LTBP2: variants seen among roughly 807,000 people sequenced by gnomAD.
LTBP2 encodes latent-transforming growth factor beta-binding protein 2.
Under a neutral mutation model 210.6 loss-of-function variants are expected in LTBP2, and 103 were observed. The observed-to-expected ratio is 0.49, with a 90% CI of 0.42 to 0.58. The LOEUF is 0.58. LTBP2 is among the 20% of genes least tolerant of loss of function. LTBP2 has a pLI of 0.00. For synonymous variants in LTBP2, 1,007 were observed against 1,015.0 expected, an observed-to-expected ratio of 0.99 and a Z score of 0.15; for missense variants, 2,313 against 2,494.5, an observed-to-expected ratio of 0.93 and a Z score of 1.55.
intron 15 of LTBP2, among the ~76,000 whole-genome samples, chr14:74,523,412 C>T (rs1175092740): frequency 1.3e-5 from 2 of 151,936 alleles, no homozygotes; most frequent in East Asian, 3.9e-4. Flanking sequence ...TGGCCTGTAA[C>T]AAGGATTTTG....
At chr14:74,532,314 A>G (rs768352815) in intron 10 of LTBP2, 112 bp downstream of exon 10, 6 of 1,455,156 alleles carry the variant, frequency 4.1e-6, no homozygotes, top group Non-Finnish European at 5.7e-6. Context: ...GGCCCTGAGC[A>G]TGGCGTGATC....
intron 4 of LTBP2, among the ~76,000 whole-genome samples, chr14:74,553,892 G>C (rs1487862552): frequency 6.6e-6 from 1 of 151,440 alleles, no homozygotes; most frequent in African/African-American, 2.4e-5. Context: ...GCTTGACTGT[G>C]AAGGGAGGAG....
At chr14:74,509,112 C>G (rs968448166) in intron 22 of LTBP2, 126 bp downstream of exon 22, 2 of 1,574,194 alleles carry the variant, frequency 1.3e-6, no homozygotes, top group Non-Finnish European at 8.7e-7. Context: ...AGCTTGTGAG[C>G]GACTCTTGGG....
In LTBP2 at chr14:74,611,696, C is replaced by T. The variant is rs779279335; in HGVS notation, c.249G>A (p.Gln83=). 2.5e-6 allele frequency: 4 copies of T among 1,584,170 alleles called. No homozygotes were observed. In the South Asian group the frequency reaches 3.4e-5, roughly 13 times the overall value. ...AGCCCGGCTGGGCCCGCTCCACGGG[C>T]TGCAAGCCCGCGACAGGCGCGTCCT... ...REQDAPVAGL[Q]PVERAQPGWG... The change falls in exon 1 of 36, where the codon CAG becomes CAA. Residue 83 remains glutamine, a synonymous_variant. Coordinates refer to ENST00000261978, the MANE Select transcript of LTBP2 (RefSeq NM_000428.3).
chr14:74,534,647 C>G (rs1358746324), intron 9 of LTBP2, among the ~76,000 whole-genome samples: 1 of 152,148 alleles, frequency 6.6e-6, no homozygotes, highest in Non-Finnish European at 1.5e-5. Flanking sequence ...GCACTTGGGG[C>G]AGGACTGTCT....
rs1025012291 is a variant in LTBP2 at position 74,577,514 on chromosome 14, T to C, written c.830+8340A>G. On this transcript the variant is annotated intron_variant, in intron 3 of 35. Transcript: ENST00000261978. ...CCTAGACCATTATCTCTTTTTTTTT[T>C]TTTTTTTTTCTTGAAACAGAGTCTC... 6.6e-5 allele frequency among the ~76,000 whole-genome samples: 10 copies of C among 151,616 alleles called. 1 individual carries two copies. The highest frequency in any genetic ancestry group is 1.2e-4 in the Non-Finnish European group (8 of 67,868).
chr14:74,499,226 T>G lies in LTBP2; in HGVS notation c.*1658A>C, dbSNP rs2086884535. The G allele has an allele frequency of 4.6e-6, 1 of 215,424 alleles. No individual in the cohort carries two copies. 13.3% of individuals were successfully genotyped at this position (215,424 alleles called of 1,614,324 possible). ...TGGTTTTAAGTTGCATTTCTTTTAT[T>G]ATGAGTGAAAGAATATTTTTACATG... is the stretch of plus-strand genomic sequence containing the variant. On this transcript the variant is annotated 3_prime_UTR_variant, in exon 36 of 36. Coordinates refer to ENST00000261978, the MANE Select transcript of LTBP2 (RefSeq NM_000428.3).
chr14:74,583,031 C>T (rs2088158111), intron 3 of LTBP2, among the ~76,000 whole-genome samples: 1 of 152,190 alleles, frequency 6.6e-6, no homozygotes, highest in African/African-American at 2.4e-5. Flanking sequence ...GTCTCCAGGC[C>T]CCTCCAGTCA....
intron 19 of LTBP2, among the ~76,000 whole-genome samples, chr14:74,510,507 GA>G (rs2087056838): frequency 6.6e-6 from 1 of 152,236 alleles, no homozygotes; most frequent in South Asian, 2.1e-4. Flanking sequence ...GAGGATACTT[GA>G]AATGAGGTGT....
Position 74,511,276 on chromosome 14 carries a change from C to T in LTBP2, c.2997G>A (p.Glu999=), listed in dbSNP as rs2087067285. The change falls in exon 19 of 36, where the codon GAG becomes GAA. Residue 999 remains glutamate, a synonymous_variant. Coordinates refer to ENST00000261978, the MANE Select transcript of LTBP2 (RefSeq NM_000428.3). Reference sequence around the variant, plus strand: ...AGCTCCCACTCTGGCCCCGGTAGCCCTCCTCACAGGCCAGACAAGTGTAGG... The same window carrying T: ...AGCTCCCACTCTGGCCCCGGTAGCCTTCCTCACAGGCCAGACAAGTGTAGG... ...PGSYTCLACE[E]GYRGQSGSCV... 1.2e-6 allele frequency: 2 copies of T among 1,613,942 alleles called. No homozygotes were observed. Among genetic ancestry groups the T allele is most frequent in the Non-Finnish European group, 1.7e-6 (2 of 1,180,020 alleles).
intron 29 of LTBP2, 42 bp from the exon 30 acceptor site, chr14:74,504,903 G>A: frequency 2.5e-6 from 4 of 1,612,048 alleles, no homozygotes; most frequent in Non-Finnish European, 3.4e-6. Context: ...GGAGGGCCCT[G>A]CCCCCTTCCT....
intron 24 of LTBP2, 147 bp downstream of exon 24, chr14:74,508,457 G>T (rs2087020438): frequency 6.9e-7 from 1 of 1,444,818 alleles, no homozygotes; most frequent in Non-Finnish European, 9.4e-7. Flanking sequence ...CCCTGGGCAG[G>T]GCCGTGAGCA....
chr14:74,541,290 C>G (rs1205190287), intron 8 of LTBP2, among the ~76,000 whole-genome samples: 1 of 152,086 alleles, frequency 6.6e-6, no homozygotes, highest in East Asian at 1.9e-4. Flanking sequence ...GTCTCTGGTG[C>G]CAAGCATGAC....
chr14:74,544,359 G>C (rs895082370), intron 8 of LTBP2, among the ~76,000 whole-genome samples: 1 of 152,168 alleles, frequency 6.6e-6, no homozygotes, highest in Non-Finnish European at 1.5e-5. Context: ...CAGATAGGCC[G>C]GGAGTTTCAG....
rs546541340 is a variant in LTBP2, at chr14:74,502,839, C to T, written c.4984G>A (p.Asp1662Asn). The T allele has an allele frequency of 3.8e-5, 61 of 1,614,070 alleles. No homozygotes were observed. The highest frequency in any genetic ancestry group is 3.0e-4 in the South Asian group (27 of 91,084). The change falls in exon 34 of 36, where the codon GAT (aspartate) becomes AAT (asparagine). Residue 1662 changes from aspartate to asparagine, a missense_variant. Physicochemically the swap from Asp to Asn is conservative, Grantham distance 23. Coordinates refer to ENST00000261978, the MANE Select transcript of LTBP2 (RefSeq NM_000428.3). ...CCATAGATGCTGTAGTGCAGGTCAT[C>T]GGGCCCGGGGCCATACTCATAGCCT... ...RPGYEYGPGP[D>N]DLHYSIYGPD...
chr14:74,528,368 T>G (rs2139718298), intron 12 of LTBP2, 115 bp downstream of exon 12: 1 of 1,225,366 alleles, frequency 8.2e-7, no homozygotes, highest in Admixed American at 1.8e-5. Flanking sequence ...CTCCCTTTCC[T>G]AATGCCACAG....
intron 10 of LTBP2, among the ~76,000 whole-genome samples, chr14:74,531,898 T>C (rs2087354923): frequency 6.6e-6 from 1 of 152,200 alleles, no homozygotes; most frequent in Admixed American, 6.5e-5. Flanking sequence ...TGCATGTACA[T>C]ACCTGGACAC....
Position 74,550,037 on chromosome 14 carries a change from G to A in LTBP2, c.1687-72C>T, listed in dbSNP as rs549596021. Reference sequence around the variant, plus strand: ...CAGGCTGTGCACAGAGATGTCCCGGGAAAGCCTAGGACACAGAGCTCACTC... The same window carrying A: ...CAGGCTGTGCACAGAGATGTCCCGGAAAAGCCTAGGACACAGAGCTCACTC... On this transcript the variant is annotated intron_variant, in intron 7 of 35. Transcript: ENST00000261978. 6.1e-4 allele frequency: 610 copies of A among 1,004,212 alleles called. 3 individuals are homozygous for A. Among genetic ancestry groups the A allele is most frequent in the Non-Finnish European group, 6.3e-4 (393 of 627,552 alleles). 62.2% of individuals were successfully genotyped at this position (1,004,212 alleles called of 1,614,324 possible).
chr14:74,558,725 G>A (rs2087759217), intron 3 of LTBP2, among the ~76,000 whole-genome samples: 1 of 152,172 alleles, frequency 6.6e-6, no homozygotes, highest in Non-Finnish European at 1.5e-5. Flanking sequence ...TCTAATTGGT[G>A]CTCAGAGCTC....
Sources: allele counts gnomAD v4.1 joint callset (sites outside exome capture counted in the v4.1 genomes callset), GRCh38; gene constraint gnomAD v4.1.1; transcripts MANE v1.5; gene names NCBI Gene and HGNC (gene_info 2026-07-23, HGNC 2026-07-21).